KIAA0586: variants seen among roughly 807,000 people sequenced by gnomAD.
KIAA0586 encodes the protein protein TALPID3.
A neutral mutation model predicts 169.8 loss-of-function variants in KIAA0586; 144 were observed. The observed-to-expected ratio is 0.85, with a 90% CI of 0.74 to 0.97. KIAA0586 has a LOEUF of 0.97. KIAA0586 is among the 50% of genes least tolerant of loss of function. The probability of loss-of-function intolerance (pLI) is 0.00; values close to 1 mark genes in which losing one functional copy is unlikely to be tolerated. For missense variants in KIAA0586, 1,854 were observed against 1,823.0 expected, an observed-to-expected ratio of 1.02 and a Z score of -0.31; for synonymous variants, 625 against 612.4, an observed-to-expected ratio of 1.02 and a Z score of -0.30.
At chr14:58,484,598 T>C (rs1381412802) in intron 21 of KIAA0586, among the ~76,000 whole-genome samples, 1 of 151,732 alleles carries the variant, frequency 6.6e-6, no homozygotes, top group Admixed American at 6.6e-5. Context: ...TCAGATCCTT[T>C]CATCATGATG....
chr14:58,489,578 T>G (rs1195591677), intron 24 of KIAA0586, among the ~76,000 whole-genome samples: 2 of 152,080 alleles, frequency 1.3e-5, no homozygotes, highest in African/African-American at 4.8e-5. Context: ...TTAATATAAC[T>G]CCATATTTTT....
chr14:58,526,809 G>A (rs1436815364), intron 29 of KIAA0586, among the ~76,000 whole-genome samples: 1 of 152,094 alleles, frequency 6.6e-6, no homozygotes, highest in Non-Finnish European at 1.5e-5. Context: ...ATTAGCTCTG[G>A]AAAGGACTAC....
chr14:58,490,757 T>C (rs973806511), intron 25 of KIAA0586, among the ~76,000 whole-genome samples: 5 of 152,092 alleles, frequency 3.3e-5, no homozygotes, highest in African/African-American at 9.7e-5. Context: ...TATAAATATA[T>C]AGAAGTGATA....
At chr14:58,489,021 A>C (rs1382149154) in intron 24 of KIAA0586, 147 bp downstream of exon 24, 2 of 817,586 alleles carry the variant, frequency 2.4e-6, no homozygotes, top group Non-Finnish European at 3.7e-6. Flanking sequence ...AATTTAGTTA[A>C]CTTTTCTGGG....
intron 29 of KIAA0586, among the ~76,000 whole-genome samples, chr14:58,515,281 A>T (rs920240606): frequency 2.6e-5 from 4 of 152,076 alleles, no homozygotes; most frequent in African/African-American, 9.7e-5. Flanking sequence ...AATAGGTGTA[A>T]TTGCTGTTAT....
At chr14:58,462,892 C>T (rs2040444559) in intron 14 of KIAA0586, among the ~76,000 whole-genome samples, 1 of 152,138 alleles carries the variant, frequency 6.6e-6, no homozygotes, top group African/African-American at 2.4e-5. Flanking sequence ...TTTAAAGCAT[C>T]AGATCTCATG....
At chr14:58,547,637 C>G (rs78875139) in intron 30 of KIAA0586, 144 bp from the exon 31 acceptor site, 1 of 690,290 alleles carries the variant, frequency 1.4e-6, no homozygotes, top group African/African-American at 1.8e-5. Context: ...TTCTGAGCAC[C>G]TTGGGACAAG....
At chr14:58,546,861 T>C (rs1265849897) in intron 30 of KIAA0586, among the ~76,000 whole-genome samples, 9 of 152,180 alleles carry the variant, frequency 5.9e-5, no homozygotes, top group African/African-American at 2.2e-4. Flanking sequence ...AATGTAGAGA[T>C]AATGTCTACT....
intron 28 of KIAA0586, among the ~76,000 whole-genome samples, chr14:58,510,617 A>C (rs780436264): frequency 2.8e-4 from 43 of 152,116 alleles, no homozygotes; most frequent in Non-Finnish European, 8.8e-5. Flanking sequence ...CATGCATTTC[A>C]CTCCTAGTTT....
chr14:58,513,262 C>G (rs2044520537), intron 29 of KIAA0586, among the ~76,000 whole-genome samples: 1 of 152,040 alleles, frequency 6.6e-6, no homozygotes, highest in Non-Finnish European at 1.5e-5. Context: ...AAATTAAGAT[C>G]TCTTCTGTTT....
At chr14:58,487,743 C>G (rs923944495) in intron 22 of KIAA0586, 144 bp from the exon 23 acceptor site, 12 of 608,570 alleles carry the variant, frequency 2.0e-5, no homozygotes, top group Non-Finnish European at 2.9e-5. Context: ...TGGCTACCAC[C>G]ATTGTCATTA....
intron 29 of KIAA0586, among the ~76,000 whole-genome samples, chr14:58,526,245 C>T (rs1486456891): frequency 6.6e-6 from 1 of 152,168 alleles, no homozygotes; most frequent in East Asian, 1.9e-4. Flanking sequence ...GGTCGCTGAC[C>T]CCCATGCCTC....
intron 14 of KIAA0586, among the ~76,000 whole-genome samples, 199 bp from the exon 15 acceptor site, chr14:58,465,636 T>C (rs2040697802): frequency 6.6e-6 from 1 of 152,200 alleles, no homozygotes; most frequent in Non-Finnish European, 1.5e-5. Flanking sequence ...TGAGATCACG[T>C]GGCCTGCCAG....
At chr14:58,456,941 C>T in intron 10 of KIAA0586, 131 bp downstream of exon 10, 1 of 615,884 alleles carries the variant, frequency 1.6e-6, no homozygotes. Flanking sequence ...TCAGCCACAT[C>T]TGTTCCATTT....
the KIAA0586 span, among the ~76,000 whole-genome samples, chr14:58,559,952 A>C: frequency 6.6e-6 from 1 of 152,152 alleles, no homozygotes; most frequent in African/African-American, 2.4e-5. Flanking sequence ...GGAGTTTGAC[A>C]CCAGCCTGAC....
intron 12 of KIAA0586, 138 bp from the exon 13 acceptor site, chr14:58,459,705 A>G (rs1257838541): frequency 2.1e-6 from 1 of 468,718 alleles, no homozygotes; most frequent in Non-Finnish European, 3.7e-6. Context: ...AATAAAGCCA[A>G]TATCCTTTAT....
At chr14:58,554,848 A>G (rs1325751721), downstream of KIAA0586, among the ~76,000 whole-genome samples, 1 of 152,190 alleles carries the variant, frequency 6.6e-6, no homozygotes, top group Non-Finnish European at 1.5e-5. Flanking sequence ...GATTTGGCCC[A>G]TGGGCTGTAG....
intron 29 of KIAA0586, among the ~76,000 whole-genome samples, chr14:58,534,933 A>G (rs181811893): frequency 6.6e-6 from 1 of 152,328 alleles, no homozygotes; most frequent in African/African-American, 2.4e-5. Context: ...ATTTTCACAA[A>G]TACAGTACAC....
At chr14:58,491,549 A>G (rs147162002) in intron 25 of KIAA0586, among the ~76,000 whole-genome samples, 1 of 152,350 alleles carries the variant, frequency 6.6e-6, no homozygotes, top group Non-Finnish European at 1.5e-5. Flanking sequence ...TGAGGCCCAC[A>G]CTGTTCCTCA....
Sources: allele counts gnomAD v4.1 joint callset (sites outside exome capture counted in the v4.1 genomes callset), GRCh38; gene constraint gnomAD v4.1.1; transcripts MANE v1.5; gene names NCBI Gene and HGNC (gene_info 2026-07-23, HGNC 2026-07-21).